KCTD15: variants seen among roughly 807,000 people sequenced by gnomAD.
KCTD15 encodes potassium channel tetramerization domain containing 15, also known as BTB/POZ domain-containing protein KCTD15.
In KCTD15, 11 loss-of-function variants were observed where a neutral mutation model predicts 27.2. The observed-to-expected ratio is 0.41, with a 90% CI of 0.25 to 0.67. The LOEUF (loss-of-function observed/expected upper bound fraction) is 0.67. Ranked by LOEUF, KCTD15 falls within the 30% of genes least tolerant of loss-of-function variation. The pLI, the probability that KCTD15 is intolerant of heterozygous loss-of-function variation, is 0.35. For synonymous variants in KCTD15, 163 were observed against 176.0 expected (o/e 0.93, Z 0.58); for missense variants, 350 against 409.3 (o/e 0.86, Z 1.25).
intron 3 of KCTD15, among the ~76,000 whole-genome samples, chr19:33,800,886 C>G (rs1286913616): frequency 6.6e-6 from 1 of 152,138 alleles, no homozygotes; most frequent in Non-Finnish European, 1.5e-5. Context: ...TTGTTTTATG[C>G]CCCTGGAGGC....
At position 33,812,867 on chromosome 19, in the gene KCTD15, C is replaced by T; in HGVS notation, c.771C>T (p.Ser257=). Residue 257 remains serine, a synonymous_variant, in exon 7 of 7, where the codon AGC becomes AGT. Coordinates refer to ENST00000683859, the MANE Select transcript of KCTD15 (RefSeq NM_001129994.2). ...CGGGVDSSQF[S]EYVLCREERR... ...GCGGTGTGGACTCCTCCCAGTTCAG[C>T]GAGTATGTGCTTTGCCGGGAGGAGC... The T allele has an allele frequency of 1.9e-6, 3 of 1,548,350 alleles. No homozygotes were observed. The highest frequency in any genetic ancestry group is 2.4e-5 in the East Asian group (1 of 40,840).
intron 5 of KCTD15, among the ~76,000 whole-genome samples, chr19:33,807,979 A>G (rs533025429): frequency 1.5e-3 from 224 of 152,102 alleles, no homozygotes; most frequent in African/African-American, 5.2e-3. Context: ...GTGTTGGGCA[A>G]TTTGCAGGGA....
At chr19:33,800,002 G>C (rs1382302235) in intron 2 of KCTD15, among the ~76,000 whole-genome samples, 2 of 152,194 alleles carry the variant, frequency 1.3e-5, no homozygotes, top group Non-Finnish European at 1.5e-5. Context: ...AGGGTGAGGG[G>C]TGCTTTCTGA....
intron 1 of KCTD15, among the ~76,000 whole-genome samples, chr19:33,797,935 TC>T (rs1395325530): frequency 6.6e-6 from 1 of 152,134 alleles, no homozygotes; most frequent in Non-Finnish European, 1.5e-5. Flanking sequence ...TTTAACTTTG[TC>T]CCCGCCCCGC....
intron 6 of KCTD15, chr19:33,811,919 G>A: frequency 6.4e-7 from 1 of 1,556,704 alleles, no homozygotes; most frequent in Non-Finnish European, 8.6e-7. Flanking sequence ...GTGGAAAGGT[G>A]GTCTGGAGCC....
At chr19:33,795,760 G>T (rs895380681), upstream of KCTD15, among the ~76,000 whole-genome samples, 14 of 152,218 alleles carry the variant, frequency 9.2e-5, no homozygotes, top group Middle Eastern at 3.4e-3. Context: ...GGGGAGGGGC[G>T]TCCGGGGCGC....
In KCTD15 at chr19:33,800,425, C is replaced by A; in HGVS notation, c.-27-3C>A. 6.3e-7 allele frequency: 1 copy of A among 1,590,790 alleles called. No homozygotes were observed. Among genetic ancestry groups the A allele is most frequent in the Admixed American group, 1.8e-5 (1 of 55,890 alleles). On this transcript the variant is annotated splice_region_variant and splice_polypyrimidine_tract_variant and intron_variant, in intron 2 of 6. Coordinates refer to ENST00000683859, the MANE Select transcript of KCTD15 (RefSeq NM_001129994.2). ...TCTCTGGTTTTGTCGATGCCTCCCG[C>A]AGATACTCTGGGCAGGGATGGAAGC...
Position 33,813,554 on chromosome 19 carries a change from A to C in KCTD15, c.*606A>C, listed in dbSNP as rs1976002227. The C allele has an allele frequency of 2.7e-6, 1 of 368,486 alleles. No individual in the cohort carries two copies. The allele number at this position is 368,486 out of a possible 1,614,324, so 22.8% of individuals were successfully genotyped here. ...GGACAGATGCAGGGATGTGTGCTGC[A>C]GGGCTGCTGGGAGGAGAGTGGTGGG... On this transcript the variant is annotated 3_prime_UTR_variant, in exon 7 of 7. Coordinates refer to ENST00000683859, the MANE Select transcript of KCTD15 (RefSeq NM_001129994.2).
intron 5 of KCTD15, 91 bp downstream of exon 5, chr19:33,807,098 C>T (rs2023273633): frequency 1.4e-6 from 2 of 1,408,402 alleles, no homozygotes; most frequent in Admixed American, 4.7e-5. Flanking sequence ...CCCTGGTTGT[C>T]ATGGTAACCA....
intron 5 of KCTD15, among the ~76,000 whole-genome samples, chr19:33,807,469 A>G (rs957025869): frequency 6.6e-6 from 1 of 152,212 alleles, no homozygotes; most frequent in African/African-American, 2.4e-5. Flanking sequence ...CACGCCTGTA[A>G]TCCCAGCACT....
rs1976047729 is a variant in KCTD15 at position 33,814,885 on chromosome 19, T to C, written c.*1937T>C. The C allele has an allele frequency of 6.6e-6, 1 of 152,280 alleles. No homozygotes were observed. Among genetic ancestry groups the C allele is most frequent in the Admixed American group, 6.5e-5 (1 of 15,272 alleles). The allele number at this position is 152,280 out of a possible 1,614,324, so 9.4% of individuals were successfully genotyped here. A position where few individuals can be genotyped will look rare whatever the true frequency, so the allele number is the denominator to read the frequency against. On this transcript the variant is annotated 3_prime_UTR_variant, in exon 7 of 7. Coordinates refer to ENST00000683859, the MANE Select transcript of KCTD15 (RefSeq NM_001129994.2). ...AGCAGCACAGACCAGTGGCTCCCTG[T>C]CCAAGGCCGCAGAGCAGACGCCATC...
At position 33,806,969 on chromosome 19, in the gene KCTD15, C is replaced by T. The variant is rs1336064522; in HGVS notation, c.349C>T (p.Leu117=). ...GEIFRYVLSF[L]RTSKLLLPDD... is the part of the protein sequence containing the mutation. ...GATTTTCCGCTACGTCCTGAGCTTC[C>T]TGCGGACGTCCAAGCTGCTGCTTCC... The change falls in exon 5 of 7, where the codon CTG becomes TTG. Residue 117 remains leucine (L), a synonymous_variant. Transcript: ENST00000683859. 6.2e-7 allele frequency: 1 copy of T among 1,614,010 alleles called. No individual in the cohort carries two copies. Among genetic ancestry groups the T allele is most frequent in the Non-Finnish European group, 8.5e-7 (1 of 1,180,044 alleles).
At position 33,811,436 on chromosome 19, in the gene KCTD15, G is replaced by A. The variant is rs773144457; in HGVS notation, c.577G>A (p.Val193Ile). ...LSGEKALIEE[V>I]FPETGDVMCN... ...CGGCGAGAAGGCCCTCATCGAGGAG[G>A]TCTTCCCCGAGACCGGAGACGTCAT... The change falls in exon 6 of 7, where the codon GTC becomes ATC. Residue 193 changes from valine to isoleucine, a missense_variant. Val to Ile is a conservative substitution (Grantham distance 29). Around this residue, in one of 3 missense-constraint regions of KCTD15, gnomAD observed 219 missense variants for 234.9 expected, o/e 0.93. Coordinates refer to ENST00000683859, the MANE Select transcript of KCTD15 (RefSeq NM_001129994.2). 1.2e-6 allele frequency: 2 copies of A among 1,612,680 alleles called. No individual in the cohort carries two copies. The highest frequency in any genetic ancestry group is 3.3e-5 in the Admixed American group (2 of 59,990).
chr19:33,804,867 C>T (rs182421162), intron 4 of KCTD15, among the ~76,000 whole-genome samples: 1 of 152,314 alleles, frequency 6.6e-6, no homozygotes, highest in African/African-American at 2.4e-5. Context: ...TCTGGGTCCA[C>T]AGACTCGGGC....
chr19:33,812,308 C>T (rs765999271), intron 6 of KCTD15: 105 of 1,015,130 alleles, frequency 1.0e-4, no homozygotes, highest in Non-Finnish European at 1.2e-4. Flanking sequence ...AGAGCTCCCA[C>T]GAGCTGATGC....
chr19:33,811,636 G>T (rs1471406860), intron 6 of KCTD15, 84 bp downstream of exon 6: 3 of 1,528,622 alleles, frequency 2.0e-6, no homozygotes, highest in South Asian at 2.5e-5. Context: ...GGAGGGAGGC[G>T]CGATCCCTGA....
intron 5 of KCTD15, among the ~76,000 whole-genome samples, chr19:33,810,770 G>A (rs888641105): frequency 6.6e-6 from 1 of 152,052 alleles, no homozygotes; most frequent in African/African-American, 2.4e-5. Context: ...TGATGATGAA[G>A]CTGAAAATCT....
chr19:33,799,090 TA>T, intron 2 of KCTD15, among the ~76,000 whole-genome samples: 1 of 152,218 alleles, frequency 6.6e-6, no homozygotes, highest in Non-Finnish European at 1.5e-5. Context: ...TTTAAGCTTG[TA>T]GAACTCAGGA....
chr19:33,800,579 A>G, intron 3 of KCTD15, 59 bp downstream of exon 3: 4 of 1,471,850 alleles, frequency 2.7e-6, no homozygotes, highest in Non-Finnish European at 1.9e-6. Context: ...CTTCTTCCCC[A>G]GTGCCTGTTT....
Sources: gnomAD v4.1 joint callset for allele counts (sites outside exome capture counted in the v4.1 genomes callset) on GRCh38, gnomAD v4.1.1 for gene constraint, gnomAD v4.1.1 regional missense constraint, MANE v1.5 for transcripts, NCBI Gene and HGNC (gene_info 2026-07-23, HGNC 2026-07-21) for gene names.